ZDHHC14: variants seen among roughly 807,000 people sequenced by gnomAD.
ZDHHC14 encodes the protein palmitoyltransferase ZDHHC14.
Under a neutral mutation model 47.7 loss-of-function variants are expected in ZDHHC14, and 16 were observed. That is an observed-to-expected ratio of 0.34 (90% CI 0.23 to 0.51). The LOEUF (loss-of-function observed/expected upper bound fraction) is 0.51, where lower values mean the gene tolerates loss of function less well. Among genes scored for constraint, ZDHHC14 ranks in the 20% least tolerant of loss-of-function variants. The pLI, the probability that ZDHHC14 is intolerant of heterozygous loss-of-function variation, is 0.97. For missense variants in ZDHHC14, 515 were observed against 662.5 expected, an observed-to-expected ratio of 0.78 and a Z score of 2.44; for synonymous variants, 293 against 278.9, an observed-to-expected ratio of 1.05 and a Z score of -0.50.
chr6:157,388,058 G>A (rs543943882), intron 1 of ZDHHC14, among the ~76,000 whole-genome samples: 36 of 152,240 alleles, frequency 2.4e-4, no homozygotes, highest in Non-Finnish European at 4.3e-4. Context: ...GATAACATTC[G>A]GATGTTCTCT....
At chr6:157,460,264 C>T (rs191864099) in intron 1 of ZDHHC14, among the ~76,000 whole-genome samples, 10 of 149,630 alleles carry the variant, frequency 6.7e-5, no homozygotes, top group South Asian at 2.1e-4. Context: ...CCAAGCATGG[C>T]GGTGTGCACC....
intron 5 of ZDHHC14, among the ~76,000 whole-genome samples, chr6:157,636,091 C>T (rs1776959792): frequency 6.6e-6 from 1 of 152,086 alleles, no homozygotes; most frequent in Non-Finnish European, 1.5e-5. Context: ...AAAACCCAGA[C>T]GCAGGCCACA....
chr6:157,397,502 C>T (rs965969231), intron 1 of ZDHHC14, among the ~76,000 whole-genome samples: 2 of 152,108 alleles, frequency 1.3e-5, no homozygotes, highest in South Asian at 2.1e-4. Context: ...AGCGAGGCTC[C>T]GTGTCTTCCT....
chr6:157,520,864 G>A (rs1237186171), intron 1 of ZDHHC14, among the ~76,000 whole-genome samples: 2 of 152,068 alleles, frequency 1.3e-5, no homozygotes, highest in Non-Finnish European at 2.9e-5. Context: ...AAGGGAGTGG[G>A]GCCTCAGTTT....
intron 1 of ZDHHC14, among the ~76,000 whole-genome samples, chr6:157,389,855 G>A (rs1265249258): frequency 6.6e-6 from 1 of 151,788 alleles, no homozygotes; most frequent in African/African-American, 2.4e-5. Context: ...ACAATCAATA[G>A]CTTTTAAAAG....
chr6:157,422,629 T>G (rs1160615957), intron 1 of ZDHHC14, among the ~76,000 whole-genome samples: 1 of 152,156 alleles, frequency 6.6e-6, no homozygotes. Flanking sequence ...TACACTCTGT[T>G]TTCATTTAAT....
chr6:157,653,640 G>A lies in ZDHHC14; in HGVS notation c.1068+13G>A, dbSNP rs1390252202. The A allele has an allele frequency of 1.9e-6, 3 of 1,606,802 alleles. No homozygotes were observed. The highest frequency in any genetic ancestry group is 1.7e-4 in the Middle Eastern group (1 of 5,990). On this transcript the variant is annotated intron_variant, in intron 8 of 8. Coordinates refer to ENST00000359775, the MANE Select transcript of ZDHHC14 (RefSeq NM_024630.3). Reference sequence around the variant, plus strand: ...ACAGAGTGACATGGTAGGAGTGGGGGCCACTGCTCCCTGCGAGGGCTTCCC... The same window carrying A: ...ACAGAGTGACATGGTAGGAGTGGGGACCACTGCTCCCTGCGAGGGCTTCCC...
rs35681787 is a variant in ZDHHC14, at chr6:157,622,216, CAAAAAA to C, written c.566-6115_566-6110del. On this transcript the variant is annotated intron_variant, in intron 3 of 8. Transcript: ENST00000359775. Reference sequence around the variant, plus strand: ...CAAAATCCCATCTCCACTAAAAATACAAAAAAAAAAAAAAAAAAAAAAATAGCCAGA... The same window carrying C: ...CAAAATCCCATCTCCACTAAAAATACAAAAAAAAAAAAAAAAATAGCCAGA... 7.1e-3 allele frequency among the ~76,000 whole-genome samples: 662 copies of C among 93,866 alleles called. 1 individual carries two copies. Among genetic ancestry groups the C allele is most frequent in the East Asian group, 0.021 (78 of 3,670 alleles). 61.6% of individuals were successfully genotyped at this position (93,866 alleles called of 152,430 possible).
At chr6:157,451,670 T>A (rs1778806414) in intron 1 of ZDHHC14, among the ~76,000 whole-genome samples, 2 of 152,128 alleles carry the variant, frequency 1.3e-5, no homozygotes, top group Admixed American at 6.5e-5. Flanking sequence ...AAGCGATTCT[T>A]GTGCCTCAGC....
At chr6:157,566,514 T>G (rs1161387310) in intron 2 of ZDHHC14, among the ~76,000 whole-genome samples, 1 of 152,186 alleles carries the variant, frequency 6.6e-6, no homozygotes, top group Non-Finnish European at 1.5e-5. Flanking sequence ...CAGGGTGAAG[T>G]CCACTTACCA....
At chr6:157,531,468 A>T (rs532750550) in intron 1 of ZDHHC14, among the ~76,000 whole-genome samples, 1 of 149,658 alleles carries the variant, frequency 6.7e-6, no homozygotes, top group Admixed American at 6.6e-5. Flanking sequence ...TGCCTCTGAC[A>T]CCCCCTCCAG....
At chr6:157,639,582 G>A (rs181686213) in intron 5 of ZDHHC14, among the ~76,000 whole-genome samples, 2 of 152,216 alleles carry the variant, frequency 1.3e-5, no homozygotes, top group African/African-American at 4.8e-5. Flanking sequence ...GATTACAGGC[G>A]TGAGCCACTG....
intron 3 of ZDHHC14, among the ~76,000 whole-genome samples, chr6:157,601,911 A>T (rs1385887874): frequency 1.3e-5 from 2 of 152,214 alleles, no homozygotes; most frequent in East Asian, 3.8e-4. Context: ...AGAGATAAAG[A>T]ATGCATTCAG....
At chr6:157,411,703 A>T (rs2114758495) in intron 1 of ZDHHC14, among the ~76,000 whole-genome samples, 1 of 151,368 alleles carries the variant, frequency 6.6e-6, no homozygotes, top group Admixed American at 6.6e-5. Context: ...GTCTATAATT[A>T]TTTCAAAATA....
At chr6:157,445,962 G>T (rs1350681923) in intron 1 of ZDHHC14, among the ~76,000 whole-genome samples, 4 of 152,338 alleles carry the variant, frequency 2.6e-5, no homozygotes, top group East Asian at 3.9e-4. Flanking sequence ...ACATGGTGCT[G>T]ACCCAGAAGG....
At chr6:157,587,576 T>G (rs964132172) in intron 2 of ZDHHC14, among the ~76,000 whole-genome samples, 2 of 152,170 alleles carry the variant, frequency 1.3e-5, no homozygotes, top group African/African-American at 2.4e-5. Flanking sequence ...AGCTGTTCAG[T>G]TATTCTAAGC....
chr6:157,403,459 T>A (rs1308548236), intron 1 of ZDHHC14, among the ~76,000 whole-genome samples: 1 of 152,242 alleles, frequency 6.6e-6, no homozygotes, highest in Non-Finnish European at 1.5e-5. Context: ...AGGGGAAGGC[T>A]GCCAGTTGCT....
chr6:157,514,329 A>G (rs1269986410), intron 1 of ZDHHC14, among the ~76,000 whole-genome samples: 3 of 152,208 alleles, frequency 2.0e-5, no homozygotes, highest in African/African-American at 7.2e-5. Flanking sequence ...CTCTTCAGGA[A>G]CATTGAATTT....
At chr6:157,639,445 C>T (rs1463535332) in intron 5 of ZDHHC14, among the ~76,000 whole-genome samples, 1 of 152,186 alleles carries the variant, frequency 6.6e-6, no homozygotes, top group Non-Finnish European at 1.5e-5. Flanking sequence ...ACTGGGATTA[C>T]AGGCGCTCGC....
Sources: gnomAD v4.1 joint callset for allele counts (sites outside exome capture counted in the v4.1 genomes callset) on GRCh38, gnomAD v4.1.1 for gene constraint, MANE v1.5 for transcripts, NCBI Gene and HGNC (gene_info 2026-07-23, HGNC 2026-07-21) for gene names.